The following ADGRL2 variants were observed in gnomAD, a reference collection of about 807,000 sequenced individuals.
ADGRL2 encodes calcium-independent alpha-latrotoxin receptor 2.
Under a neutral mutation model 157.4 loss-of-function variants are expected in ADGRL2, and 44 were observed. That is an observed-to-expected ratio of 0.28 (90% CI 0.22 to 0.36). The LOEUF is 0.36. ADGRL2 is among the 10% of genes least tolerant of loss of function. The pLI is 1.00. For missense variants in ADGRL2, 1,510 were observed against 1,768.9 expected, an observed-to-expected ratio of 0.85 and a Z score of 2.63; for synonymous variants, 585 against 624.7, an observed-to-expected ratio of 0.94 and a Z score of 0.95.
At chr1:81,502,073 T>C in intron 2 of ADGRL2, 4 of 1,599,618 alleles carry the variant, frequency 2.5e-6, no homozygotes, top group Non-Finnish European at 2.6e-6. Context: ...GGACGGAGGT[T>C]TGGAAGATGA....
At chr1:81,522,076 T>A (rs1009349497) in intron 2 of ADGRL2, among the ~76,000 whole-genome samples, 4 of 151,654 alleles carry the variant, frequency 2.6e-5, no homozygotes, top group African/African-American at 9.7e-5. Flanking sequence ...GCGATTCTCC[T>A]TCCTCAGCCT....
intron 3 of ADGRL2, among the ~76,000 whole-genome samples, chr1:81,687,353 G>GAT (rs1381275376): frequency 1.3e-5 from 2 of 152,150 alleles, no homozygotes; most frequent in African/African-American, 4.8e-5. Flanking sequence ...TTAGGATTGT[G>GAT]ATATTTTCCT....
At chr1:81,795,492 T>C (rs2087542003), upstream of ADGRL2, among the ~76,000 whole-genome samples, 1 of 152,218 alleles carries the variant, frequency 6.6e-6, no homozygotes, top group Non-Finnish European at 1.5e-5. Flanking sequence ...AAAACTTTAA[T>C]GTATGAAAAC....
intron 2 of ADGRL2, among the ~76,000 whole-genome samples, chr1:81,893,128 T>C (rs1262189129): frequency 6.6e-6 from 1 of 152,164 alleles, no homozygotes; most frequent in Non-Finnish European, 1.5e-5. Context: ...GGCATGGAGA[T>C]AGGCACAGTG....
intron 1 of ADGRL2, among the ~76,000 whole-genome samples, chr1:81,761,532 A>T (rs2085881096): frequency 6.6e-6 from 1 of 151,996 alleles, no homozygotes; most frequent in African/African-American, 2.4e-5. Context: ...TGAAAAAAAA[A>T]TTTATTGACA....
intron 1 of ADGRL2, among the ~76,000 whole-genome samples, chr1:81,307,843 T>C (rs1337697513): frequency 2.0e-5 from 3 of 151,060 alleles, no homozygotes; most frequent in Non-Finnish European, 4.4e-5. Context: ...GAGTCTTCTA[T>C]TGTAAAAAAA....
intron 1 of ADGRL2, among the ~76,000 whole-genome samples, chr1:81,737,877 G>A (rs12090448): frequency 0.067 from 10,186 of 152,090 alleles, 335 homozygotes; most frequent in Admixed American, 0.078. Flanking sequence ...AAAACAAAAG[G>A]TGTCCAGATT....
chr1:81,461,305 C>G (rs2077924050), intron 2 of ADGRL2, among the ~76,000 whole-genome samples: 2 of 150,882 alleles, frequency 1.3e-5, no homozygotes, highest in Admixed American at 1.3e-4. Flanking sequence ...TTGGTTTTGG[C>G]CTTTTAAGAG....
intron 2 of ADGRL2, among the ~76,000 whole-genome samples, chr1:81,527,669 G>T (rs1273274464): frequency 6.6e-6 from 1 of 151,350 alleles, no homozygotes; most frequent in Non-Finnish European, 1.5e-5. Flanking sequence ...CCAAGATCGC[G>T]CCACTGCACT....
chr1:81,922,955 T>C (rs866368136), intron 3 of ADGRL2, among the ~76,000 whole-genome samples: 2 of 152,236 alleles, frequency 1.3e-5, no homozygotes, highest in African/African-American at 4.8e-5. Flanking sequence ...TATCTGTCTG[T>C]CTATCTTTTT....
At chr1:81,458,315 T>C (rs2077848065) in intron 2 of ADGRL2, among the ~76,000 whole-genome samples, 1 of 152,246 alleles carries the variant, frequency 6.6e-6, no homozygotes, top group Non-Finnish European at 1.5e-5. Context: ...CATAATGTTG[T>C]GTGGCATAGC....
At chr1:81,949,455 AAGATATGAAGGGTTGGTTTGAATT>A (rs1651021290) in intron 6 of ADGRL2, among the ~76,000 whole-genome samples, 1 of 152,226 alleles carries the variant, frequency 6.6e-6, no homozygotes, top group Admixed American at 6.5e-5. Flanking sequence ...AAGGGTGACT[AAGATATGAAGGGTTGGTTTGAATT>A]AGGCATGATT....
At chr1:81,440,513 G>C (rs190132877) in intron 1 of ADGRL2, among the ~76,000 whole-genome samples, 1 of 152,118 alleles carries the variant, frequency 6.6e-6, no homozygotes, top group African/African-American at 2.4e-5. Context: ...CCTTACCTTT[G>C]GTAAATTTAG....
chr1:81,785,697 T>A (rs911110929), intron 2 of ADGRL2, among the ~76,000 whole-genome samples: 1 of 152,030 alleles, frequency 6.6e-6, no homozygotes, highest in Non-Finnish European at 1.5e-5. Flanking sequence ...TACTGTATTC[T>A]AGCCTGAGCG....
Position 81,979,912 on chromosome 1 carries a change from A to G in ADGRL2, c.3065A>G (p.Lys1022Arg), listed in dbSNP as rs756610656. The change falls in exon 18 of 24, where the codon AAG becomes AGG. Residue 1022 changes from lysine to arginine, a missense_variant. Around this residue, in one of 4 missense-constraint regions of ADGRL2, gnomAD observed 497 missense variants for 627.2 expected, o/e 0.79. Coordinates refer to ENST00000686636, the MANE Select transcript of ADGRL2 (RefSeq NM_001366006.2). ...GTGATCACATTGTGCAAAATGGTGA[A>G]GCATTCAAACACTTTGAAACCAGAT... is the stretch of plus-strand genomic sequence containing the variant. ...FLVITLCKMVKHSNTLKPDSS... is the reference protein window; with the variant it reads ...FLVITLCKMVRHSNTLKPDSS... 1.9e-6 allele frequency: 3 copies of G among 1,609,088 alleles called. No individual in the cohort carries two copies. The highest frequency in any genetic ancestry group is 1.1e-5 in the South Asian group (1 of 90,870).
intron 1 of ADGRL2, among the ~76,000 whole-genome samples, chr1:81,337,268 C>T (rs559902991): frequency 1.9e-3 from 292 of 152,272 alleles, no homozygotes; most frequent in Non-Finnish European, 3.6e-3. Context: ...CTGTTAAACG[C>T]GTAAGACATT....
At chr1:81,498,512 C>T (rs187911975) in intron 2 of ADGRL2, among the ~76,000 whole-genome samples, 1 of 152,278 alleles carries the variant, frequency 6.6e-6, no homozygotes, top group East Asian at 1.9e-4. Flanking sequence ...TTGTCTCCCC[C>T]ATACTGGACC....
At chr1:81,561,621 C>T (rs376587730) in intron 2 of ADGRL2, among the ~76,000 whole-genome samples, 1 of 151,878 alleles carries the variant, frequency 6.6e-6, no homozygotes, top group African/African-American at 2.4e-5. Flanking sequence ...CCATCATGCC[C>T]GGCTAATTTT....
chr1:81,839,930 A>ATATT (rs2092487919), intron 2 of ADGRL2, among the ~76,000 whole-genome samples: 2 of 67,258 alleles, frequency 3.0e-5, no homozygotes, highest in Non-Finnish European at 6.7e-5. Flanking sequence ...TATATGATGG[A>ATATT]ATATATATAT....
Sources: allele counts gnomAD v4.1 joint callset (sites outside exome capture counted in the v4.1 genomes callset), GRCh38; gene constraint gnomAD v4.1.1; regional missense constraint gnomAD v4.1.1; transcripts MANE v1.5; gene names NCBI Gene and HGNC (gene_info 2026-07-23, HGNC 2026-07-21).